Variants in AXL observed in about 807,000 individuals in gnomAD.
AXL encodes AXL receptor tyrosine kinase.
A neutral mutation model predicts 104.5 loss-of-function variants in AXL; 52 were observed. The ratio of observed to expected loss-of-function variants is 0.50; its 90% CI spans 0.40 to 0.63. AXL has a LOEUF of 0.63. Among genes scored for constraint, AXL ranks in the 20% least tolerant of loss-of-function variants. AXL has a pLI of 0.00. For synonymous variants in AXL, 455 were observed against 473.7 expected (o/e 0.96, Z 0.51); for missense variants, 1,024 against 1,188.5 (o/e 0.86, Z 2.04).
At chr19:41,256,080 G>GGGGTGTGTGT (rs71334980) in intron 17 of AXL, among the ~76,000 whole-genome samples, 1 of 150,508 alleles carries the variant, frequency 6.6e-6, no homozygotes, top group Non-Finnish European at 1.5e-5. Flanking sequence ...TGGTTACATG[G>GGGGTGTGTGT]GTGTGTGTGT....
At chr19:41,251,641 C>T (rs1443054153) in intron 14 of AXL, among the ~76,000 whole-genome samples, 5 of 150,672 alleles carry the variant, frequency 3.3e-5, no homozygotes, top group African/African-American at 7.3e-5. Flanking sequence ...CCTAGGAGTT[C>T]GAGCCTAACC....
chr19:41,230,722 T>C (rs1349279263), intron 4 of AXL, among the ~76,000 whole-genome samples: 1 of 152,020 alleles, frequency 6.6e-6, no homozygotes, highest in African/African-American at 2.4e-5. Context: ...TCTGTGTGTG[T>C]CTGTACTATG....
At position 41,239,708 on chromosome 19, in the gene AXL, G is replaced by A. The variant is rs1398904639; in HGVS notation, c.1300G>A (p.Val434Ile). The change falls in exon 10 of 20, where the codon GTC becomes ATC. Residue 434 changes from valine (V) to isoleucine (I), a missense_variant. Transcript: ENST00000301178. ...EAWRPGQAQP[V>I]HQLVKEPSTP... The stretch of plus-strand genomic sequence containing the variant: ...TCTTCTCACAGGGCAAGCACAGCCA[G>A]TCCACCAGCTGGGTAAGGGCTTCCA... 1.2e-6 allele frequency: 2 copies of A among 1,614,038 alleles called. No homozygotes were observed. Among genetic ancestry groups the A allele is most frequent in the Non-Finnish European group, 1.7e-6 (2 of 1,180,040 alleles).
At position 41,259,691 on chromosome 19, in the gene AXL, G is replaced by A; in HGVS notation, c.2472G>A (p.Met824Ile). The change falls in exon 20 of 20, where the codon ATG becomes ATA. Residue 824 changes from methionine to isoleucine, a missense_variant. By Grantham distance (10) the Met-to-Ile change is conservative. Around this residue, in one of 5 missense-constraint regions of AXL, gnomAD observed 523 missense variants for 636.0 expected, o/e 0.82. Coordinates refer to ENST00000301178, the MANE Select transcript of AXL (RefSeq NM_021913.5). ...QEPDEILYVN[M>I]DEGGGYPEPP... ...CTGACGAAATCCTCTATGTCAACAT[G>A]GATGAGGGTGGAGGTTATCCTGAAC... The A allele has an allele frequency of 6.2e-7, 1 of 1,614,096 alleles. No homozygotes were observed. The highest frequency in any genetic ancestry group is 8.5e-7 in the Non-Finnish European group (1 of 1,180,026).
chr19:41,238,899 CT>C (rs537237504), intron 8 of AXL, among the ~76,000 whole-genome samples: 34 of 152,056 alleles, frequency 2.2e-4, no homozygotes, highest in African/African-American at 8.2e-4. Flanking sequence ...GAAGGGGTAC[CT>C]TTTCCTGATT....
chr19:41,221,740 T>G, intron 3 of AXL, 140 bp from the exon 4 acceptor site: 1 of 870,338 alleles, frequency 1.1e-6, no homozygotes, highest in East Asian at 2.7e-5. Context: ...ATGGCTCAGG[T>G]GCCCTCGGGG....
Position 41,243,001 on chromosome 19 carries a change from G to C in AXL, c.1431G>C (p.Lys477Asn). Residue 477 changes from lysine to asparagine, a missense_variant, in exon 11 of 20, where the codon AAG becomes AAC. Transcript: ENST00000301178. ...LALFLVHRRK[K>N]ETRYGEVFEP... ...TCTTCCTTGTCCACCGGCGAAAGAA[G>C]GAGACCCGTTATGGGTGAGTTGGAA... The C allele has an allele frequency of 6.2e-7, 1 of 1,614,210 alleles. No individual in the cohort carries two copies. The highest frequency in any genetic ancestry group is 8.5e-7 in the Non-Finnish European group (1 of 1,180,042).
chr19:41,226,051 C>A (rs1356978629), intron 4 of AXL, among the ~76,000 whole-genome samples: 2 of 152,230 alleles, frequency 1.3e-5, no homozygotes, highest in East Asian at 3.8e-4. Flanking sequence ...AAGCAAGAAC[C>A]TTCTGGAGGG....
intron 12 of AXL, among the ~76,000 whole-genome samples, chr19:41,247,011 C>CAAA (rs2034282953): frequency 1.6e-5 from 1 of 63,096 alleles, no homozygotes; most frequent in African/African-American, 1.0e-4. Context: ...CAATTACACT[C>CAAA]AACAACTAAA....
chr19:41,233,734 C>T (rs2034033974), intron 6 of AXL, among the ~76,000 whole-genome samples: 1 of 147,754 alleles, frequency 6.8e-6, no homozygotes, highest in South Asian at 2.1e-4. Context: ...TTCCTCCCAT[C>T]CTCCTCCCCT....
Position 41,240,313 on chromosome 19 carries a change from G to A in AXL, c.1312+593G>A, listed in dbSNP as rs545720067. Among the ~76,000 whole-genome samples the A allele has an allele frequency of 1.3e-3, 196 of 151,762 alleles. 1 individual carries two copies. Among genetic ancestry groups the A allele is most frequent in the African/African-American group, 4.5e-3 (187 of 41,326 alleles). On this transcript the variant is annotated intron_variant, in intron 10 of 19. Coordinates refer to ENST00000301178, the MANE Select transcript of AXL (RefSeq NM_021913.5). Reference sequence around the variant, plus strand: ...GGGTGGGTCAATGGATTAATAGATGGGTGGATAGGTGGATGAACAAAAGAT... The same window carrying A: ...GGGTGGGTCAATGGATTAATAGATGAGTGGATAGGTGGATGAACAAAAGAT...
At position 41,259,556 on chromosome 19, in the gene AXL, T is replaced by G; in HGVS notation, c.2337T>G (p.Tyr779Ter). 1.3e-6 allele frequency: 2 copies of G among 1,597,220 alleles called. No homozygotes were observed. The highest frequency in any genetic ancestry group is 1.7e-6 in the Non-Finnish European group (2 of 1,170,552). Reference sequence around the variant, plus strand: ...ACCCCTCATTTTGCTGCCCTAGGTATGCCTTGATGTCGCGGTGCTGGGAGC... The same window carrying G: ...ACCCCTCATTTTGCTGCCCTAGGTAGGCCTTGATGTCGCGGTGCTGGGAGC... The part of the protein sequence containing the change: ...KQPADCLDGL[Y>*]ALMSRCWELN... The change falls in exon 20 of 20, where the codon TAT becomes TAG. Residue 779 changes from tyrosine to a stop codon, truncating the protein, a stop_gained. Transcript: ENST00000301178. LOFTEE classifies it high-confidence loss of function.
chr19:41,252,767 G>C, intron 15 of AXL, 79 bp from the exon 16 acceptor site: 1 of 1,595,728 alleles, frequency 6.3e-7, no homozygotes, highest in Non-Finnish European at 8.5e-7. Flanking sequence ...GTGAGAAGGA[G>C]AGGCTGGAGG....
chr19:41,256,961 A>T (rs76524135), intron 18 of AXL, among the ~76,000 whole-genome samples: 11,211 of 152,264 alleles, frequency 0.074, 961 homozygotes, highest in African/African-American at 0.2. Context: ...AAGTGTGTAT[A>T]TGTGTGTGAT....
intron 6 of AXL, among the ~76,000 whole-genome samples, chr19:41,235,934 C>T (rs935576922): frequency 6.6e-6 from 1 of 152,070 alleles, no homozygotes; most frequent in African/African-American, 2.4e-5. Flanking sequence ...AGGTGGCTCA[C>T]GCCTGTAATC....
Position 41,248,528 on chromosome 19 carries a change from A to G in AXL, c.1552A>G (p.Ile518Val), listed in dbSNP as rs763247255. 3 of 1,614,108 alleles carry G rather than the reference A, an allele frequency of 1.9e-6. No homozygotes were observed. Among genetic ancestry groups the G allele is most frequent in the Non-Finnish European group, 1.7e-6 (2 of 1,180,040 alleles). ...CTTGCATGCAGTGAACAGCCTGGGCATCAGTGAAGAGCTGAAGGAGAAGCT... is the reference window on the plus strand; with the variant it reads ...CTTGCATGCAGTGAACAGCCTGGGCGTCAGTGAAGAGCTGAAGGAGAAGCT... ...TTEATLNSLG[I>V]SEELKEKLRD... The change falls in exon 13 of 20, where the codon ATC becomes GTC. Residue 518 changes from isoleucine (I) to valine (V), a missense_variant. Physicochemically the swap from Ile to Val is conservative, Grantham distance 29 (BLOSUM62 3). Transcript: ENST00000301178.
rs1327632481 is a variant in AXL, at chr19:41,220,826, A to G, written c.276A>G (p.Glu92=). 1.2e-6 allele frequency: 2 copies of G among 1,614,024 alleles called. No homozygotes were observed. The highest frequency in any genetic ancestry group is 8.5e-7 in the Non-Finnish European group (1 of 1,179,982). Residue 92 remains glutamate, a synonymous_variant, in exon 2 of 20, where the codon GAA becomes GAG. Coordinates refer to ENST00000301178, the MANE Select transcript of AXL (RefSeq NM_021913.5). ...TQTQVPLGED[E]QDDWIVVSQL... is the part of the protein sequence containing the mutation. ...CCCAGGTGCCCCTGGGTGAGGATGA[A>G]CAGGATGACTGGATAGTGGTCAGCC... is the stretch of plus-strand genomic sequence containing the variant.
intron 19 of AXL, 50 bp from the exon 20 acceptor site, chr19:41,259,502 AC>A (rs1295761494): frequency 6.8e-7 from 1 of 1,475,856 alleles, no homozygotes; most frequent in Admixed American, 2.0e-5. Context: ...TCCAGAATGC[AC>A]CCCTTCTGAG....
At chr19:41,240,094 G>T (rs1319384062) in intron 10 of AXL, among the ~76,000 whole-genome samples, 2 of 151,984 alleles carry the variant, frequency 1.3e-5, no homozygotes, top group African/African-American at 2.4e-5. Flanking sequence ...TGGATGGATG[G>T]ATGGGTGGAT....
Sources: allele counts gnomAD v4.1 joint callset (sites outside exome capture counted in the v4.1 genomes callset), GRCh38; gene constraint gnomAD v4.1.1; regional missense constraint gnomAD v4.1.1; transcripts MANE v1.5; gene names NCBI Gene and HGNC (gene_info 2026-07-23, HGNC 2026-07-21).